COL11A1: variants seen among roughly 807,000 people sequenced by gnomAD.
COL11A1 encodes collagen alpha-1(XI) chain.
A neutral mutation model predicts 265.2 loss-of-function variants in COL11A1; 74 were observed. That is an observed-to-expected ratio of 0.28 (90% confidence interval 0.23 to 0.34). The LOEUF is 0.34. Ranked by LOEUF, COL11A1 falls within the 10% of genes least tolerant of loss-of-function variation. The pLI, the probability that COL11A1 is intolerant of heterozygous loss-of-function variation, is 1.00. For missense variants in COL11A1, 2,165 were observed against 2,263.6 expected (o/e 0.96, Z 0.88); for synonymous variants, 816 against 727.6 (o/e 1.12, Z -1.96).
rs373621199 is a variant in COL11A1, at chr1:103,078,876, G to C, written c.275-5C>G. 1.3e-6 allele frequency: 2 copies of C among 1,590,734 alleles called. No individual in the cohort carries two copies. Among genetic ancestry groups the C allele is most frequent in the African/African-American group, 2.7e-5 (2 of 74,338 alleles). On this transcript the variant is annotated splice_polypyrimidine_tract_variant and splice_region_variant and intron_variant, in intron 2 of 66. Transcript: ENST00000370096. ...AGTCTTCTGGGAAAGTTCCACCTGA[G>C]AAGAAAAGGCCAAAGAGTTAGAAAT...
At position 103,108,116 on chromosome 1, in the gene COL11A1, G is replaced by A. The variant is rs1315861938; in HGVS notation, c.63C>T (p.Thr21=). The change falls in exon 1 of 67, where the codon ACC becomes ACT. Residue 21 remains threonine, a synonymous_variant. Coordinates refer to ENST00000370096, the MANE Select transcript of COL11A1 (RefSeq NM_001854.4). The part of the protein sequence containing the change: ...KRWLWDFTVT[T]LALTFLFQAR... ...CTTGGAAGAGGAAGGTCAATGCGAG[G>A]GTTGTTACGGTGAAATCCCAGAGCC... 6.2e-7 allele frequency: 1 copy of A among 1,613,616 alleles called. No homozygotes were observed. Among genetic ancestry groups the A allele is most frequent in the Admixed American group, 1.7e-5 (1 of 59,968 alleles).
chr1:102,981,586 T>C (rs1007535669), intron 31 of COL11A1, among the ~76,000 whole-genome samples: 9 of 151,946 alleles, frequency 5.9e-5, no homozygotes, highest in Non-Finnish European at 1.0e-4. Flanking sequence ...AATTAATCAG[T>C]TGAATATATG....
chr1:103,046,823 T>A (rs1298620448), intron 4 of COL11A1, among the ~76,000 whole-genome samples: 2 of 151,650 alleles, frequency 1.3e-5, no homozygotes, highest in Non-Finnish European at 2.9e-5. Context: ...TTTCTACATA[T>A]GGCTAGCCAG....
At chr1:103,047,646 T>C (rs1253321626) in intron 4 of COL11A1, among the ~76,000 whole-genome samples, 2 of 152,204 alleles carry the variant, frequency 1.3e-5, no homozygotes, top group South Asian at 2.1e-4. Context: ...CTATGTTGAA[T>C]AGGAGTGGTG....
At chr1:103,020,923 G>T (rs1209070546) in intron 9 of COL11A1, among the ~76,000 whole-genome samples, 1 of 138,948 alleles carries the variant, frequency 7.2e-6, no homozygotes, top group East Asian at 2.2e-4. Context: ...TATTTCTGAG[G>T]GCTCTGTTCT....
At chr1:102,967,224 A>ATTTT (rs1557882148) in intron 37 of COL11A1, among the ~76,000 whole-genome samples, 22 of 41,262 alleles carry the variant, frequency 5.3e-4, no homozygotes, top group East Asian at 1.5e-3. Flanking sequence ...AACATAATAA[A>ATTTT]TTCTTTTTTT....
chr1:102,949,376 T>C (rs1286949126), intron 41 of COL11A1, among the ~76,000 whole-genome samples: 2 of 151,876 alleles, frequency 1.3e-5, no homozygotes, highest in African/African-American at 4.9e-5. Context: ...TAATTGGCTA[T>C]ACAAAAAGAG....
At chr1:103,047,282 T>C (rs1669366790) in intron 4 of COL11A1, among the ~76,000 whole-genome samples, 3 of 152,206 alleles carry the variant, frequency 2.0e-5, no homozygotes, top group African/African-American at 4.8e-5. Context: ...TTTTATTTCA[T>C]TGAGCAGTGG....
At chr1:103,098,326 G>C (rs1673956054) in intron 1 of COL11A1, among the ~76,000 whole-genome samples, 1 of 151,886 alleles carries the variant, frequency 6.6e-6, no homozygotes, top group African/African-American at 2.4e-5. Flanking sequence ...GACTTCCAGT[G>C]CCTAGTTATA....
At chr1:102,932,189 G>A (rs1157444133) in intron 46 of COL11A1, among the ~76,000 whole-genome samples, 2 of 151,998 alleles carry the variant, frequency 1.3e-5, no homozygotes, top group African/African-American at 4.8e-5. Context: ...TCCTAGTCTC[G>A]ATGGTCTTTA....
At chr1:102,959,690 T>A (rs1660710425) in intron 41 of COL11A1, among the ~76,000 whole-genome samples, 1 of 152,198 alleles carries the variant, frequency 6.6e-6, no homozygotes, top group Admixed American at 6.5e-5. Context: ...AATACACAGT[T>A]GAAGCCAAAT....
rs767496065 is a variant in COL11A1 at position 103,108,144 on chromosome 1, C to T, written c.35G>A (p.Arg12Gln). The T allele has an allele frequency of 9.9e-6, 16 of 1,613,688 alleles. No individual in the cohort carries two copies. The Admixed American group carries it at 1.8e-4, about 18-fold the overall frequency. The change falls in exon 1 of 67, where the codon CGG (arginine) becomes CAG (glutamine). Residue 12 changes from arginine to glutamine, a missense_variant. Coordinates refer to ENST00000370096, the MANE Select transcript of COL11A1 (RefSeq NM_001854.4). Reference sequence around the variant, plus strand: ...TGTTACGGTGAAATCCCAGAGCCACCGTTTCGTTTTCCACCTAGAGGACCA... The same window carrying T: ...TGTTACGGTGAAATCCCAGAGCCACTGTTTCGTTTTCCACCTAGAGGACCA... ...EPWSSRWKTK[R>Q]WLWDFTVTTL...
At chr1:103,054,902 A>G (rs1431864554) in intron 4 of COL11A1, among the ~76,000 whole-genome samples, 1 of 152,084 alleles carries the variant, frequency 6.6e-6, no homozygotes, top group Non-Finnish European at 1.5e-5. Flanking sequence ...ACTCTGTCTC[A>G]AAAAAAATTA....
Position 103,057,192 on chromosome 1 carries a change from A to C in COL11A1, c.651+17426T>G, listed in dbSNP as rs556898418. On this transcript the variant is annotated intron_variant, in intron 4 of 66. Transcript: ENST00000370096. ...ATCAACTAACTTTATATAATATTCT[A>C]AATCCTTTGATGTCATTTAACAATA... Among the ~76,000 whole-genome samples the C allele has an allele frequency of 5.9e-5, 9 of 152,294 alleles. No individual in the cohort carries two copies. In the South Asian group the frequency reaches 1.2e-3, roughly 21 times the overall value.
chr1:103,068,615 C>T (rs141522902), intron 4 of COL11A1, among the ~76,000 whole-genome samples: 1,858 of 150,872 alleles, frequency 0.012, 23 homozygotes, highest in Middle Eastern at 0.024. Flanking sequence ...CATTCATTGC[C>T]GTAAGAAAAA....
In COL11A1 at chr1:102,941,753, A is replaced by G. The variant is rs77237365; in HGVS notation, c.3277-1319T>C. Among the ~76,000 whole-genome samples the G allele has an allele frequency of 4.0e-3, 607 of 152,240 alleles. 4 individuals carry two copies. Among genetic ancestry groups the G allele is most frequent in the Non-Finnish European group, 5.4e-3 (364 of 68,006 alleles). ...GTCTCTCTACTATAATCTGACATAC[A>G]CTATTACATTCCATTCATATGAGTA... On this transcript the variant is annotated intron_variant, in intron 42 of 66. Coordinates refer to ENST00000370096, the MANE Select transcript of COL11A1 (RefSeq NM_001854.4).
intron 29 of COL11A1, among the ~76,000 whole-genome samples, chr1:102,987,984 C>T (rs933569625): frequency 1.3e-5 from 2 of 152,022 alleles, no homozygotes. Flanking sequence ...TAATACAAAG[C>T]CACAAGGTTA....
chr1:102,882,853 A>C (rs1282316743), intron 64 of COL11A1, among the ~76,000 whole-genome samples: 1 of 152,178 alleles, frequency 6.6e-6, no homozygotes, highest in Non-Finnish European at 1.5e-5. Flanking sequence ...TTTTGGGTGT[A>C]ATATGCAGCT....
chr1:102,888,514 G>T (rs1187180054), intron 62 of COL11A1, 63 bp downstream of exon 62: 3 of 1,476,944 alleles, frequency 2.0e-6, no homozygotes, highest in South Asian at 1.1e-5. Flanking sequence ...TAAGTTCAGA[G>T]AAATCATTGG....
Sources: allele counts gnomAD v4.1 joint callset (sites outside exome capture counted in the v4.1 genomes callset), GRCh38; gene constraint gnomAD v4.1.1; transcripts MANE v1.5; gene names NCBI Gene and HGNC (gene_info 2026-07-23, HGNC 2026-07-21).